Variants in LOC400499 observed in about 807,000 individuals in gnomAD.
chr16:11,480,761 C>T, the LOC400499 span, among the ~76,000 whole-genome samples: 8 of 152,176 alleles, frequency 5.3e-5, no homozygotes, highest in East Asian at 1.9e-4. Context: ...CTGTATGTAA[C>T]AGCCAGCAAC....
At chr16:11,387,628 G>A in the LOC400499 span, among the ~76,000 whole-genome samples, 1 of 95,680 alleles carries the variant, frequency 1.0e-5, no homozygotes, top group African/African-American at 3.0e-5. Context: ...GGAGCTGGAA[G>A]GTCTAGGAAA....
At chr16:11,377,669 G>A in the LOC400499 span, among the ~76,000 whole-genome samples, 1 of 152,190 alleles carries the variant, frequency 6.6e-6, no homozygotes, top group African/African-American at 2.4e-5. Context: ...TGATCATGGT[G>A]TGTAATCCTT....
the LOC400499 span, among the ~76,000 whole-genome samples, chr16:11,429,652 T>G: frequency 6.6e-6 from 1 of 152,088 alleles, no homozygotes. Context: ...TTTTGTGTTT[T>G]CAGTAGCGAC....
chr16:11,414,956 C>T, the LOC400499 span, among the ~76,000 whole-genome samples: 1 of 152,208 alleles, frequency 6.6e-6, no homozygotes, highest in South Asian at 2.1e-4. Context: ...TGCCTGGGGT[C>T]GGGATTTCCC....
the LOC400499 span, among the ~76,000 whole-genome samples, chr16:11,463,247 G>T: frequency 7.8e-6 from 1 of 128,190 alleles, no homozygotes; most frequent in East Asian, 2.0e-4. Flanking sequence ...CAACCTGTAG[G>T]CTCCCCACCC....
At chr16:11,456,918 A>G in the LOC400499 span, 2 of 1,536,280 alleles carry the variant, frequency 1.3e-6, no homozygotes, top group Non-Finnish European at 1.7e-6. Flanking sequence ...TGCCACAAAC[A>G]GCGGCCGCCC....
At chr16:11,405,012 A>C in the LOC400499 span, 3 of 396,418 alleles carry the variant, frequency 7.6e-6, no homozygotes, top group East Asian at 1.1e-4. Context: ...CAGGGGATCA[A>C]AAACCCAAAT....
At chr16:11,509,993 A>G in the LOC400499 span, among the ~76,000 whole-genome samples, 4 of 148,012 alleles carry the variant, frequency 2.7e-5, no homozygotes, top group Non-Finnish European at 6.0e-5. Context: ...CTTTTGTACC[A>G]TGTCACACAT....
the LOC400499 span, chr16:11,414,527 A>G: frequency 2.5e-6 from 1 of 399,738 alleles, no homozygotes; most frequent in Non-Finnish European, 4.4e-6. Context: ...AGAGAATGGC[A>G]TGGGCTACTG....
chr16:11,515,146 A>C, the LOC400499 span, among the ~76,000 whole-genome samples: 2 of 152,006 alleles, frequency 1.3e-5, no homozygotes, highest in Non-Finnish European at 2.9e-5. Flanking sequence ...TCTCTACTAA[A>C]ATTTTTTTTA....
chr16:11,473,412 C>T, the LOC400499 span, among the ~76,000 whole-genome samples: 77 of 151,616 alleles, frequency 5.1e-4, no homozygotes, highest in African/African-American at 1.8e-3. Context: ...TGTCTTTTTA[C>T]CCAGTTGAGA....
the LOC400499 span, chr16:11,469,567 A>G: frequency 2.5e-6 from 1 of 398,908 alleles, no homozygotes; most frequent in African/African-American, 2.1e-5. Flanking sequence ...GTTCTGGGGC[A>G]AGCTGTAGCT....
At chr16:11,439,514 C>A in the LOC400499 span, 1 of 399,074 alleles carries the variant, frequency 2.5e-6, no homozygotes, top group South Asian at 1.3e-4. Flanking sequence ...AAATGTTGGT[C>A]CGTGAGGATG....
the LOC400499 span, chr16:11,372,734 T>G: frequency 1.0e-6 from 1 of 984,014 alleles, no homozygotes; most frequent in South Asian, 4.7e-5. Flanking sequence ...AGACAAAATC[T>G]CAAACTGTAA....
the LOC400499 span, among the ~76,000 whole-genome samples, chr16:11,479,001 C>A: frequency 6.6e-6 from 1 of 152,182 alleles, no homozygotes; most frequent in Non-Finnish European, 1.5e-5. Flanking sequence ...TGAAGCCTCC[C>A]CAGTCAGTTG....
chr16:11,503,267 G>A, the LOC400499 span, among the ~76,000 whole-genome samples: 1 of 152,044 alleles, frequency 6.6e-6, no homozygotes, highest in Non-Finnish European at 1.5e-5. Flanking sequence ...TAACAGTGAT[G>A]GCTAATAAAG....
the LOC400499 span, chr16:11,446,679 G>A: frequency 6.5e-7 from 1 of 1,533,122 alleles, no homozygotes; most frequent in South Asian, 1.2e-5. Flanking sequence ...CATGCAGGGA[G>A]TGAGGAGGCA....
chr16:11,415,509 G>A, the LOC400499 span, among the ~76,000 whole-genome samples: 1 of 152,196 alleles, frequency 6.6e-6, no homozygotes, highest in Non-Finnish European at 1.5e-5. Context: ...ACACGGGAGA[G>A]GACCACTTGT....
the LOC400499 span, chr16:11,472,172 G>A: frequency 5.1e-6 from 1 of 194,622 alleles, no homozygotes; most frequent in Non-Finnish European, 1.0e-5. Context: ...TGCCCCAGCT[G>A]AGAACCCCTG....
Sources: allele counts gnomAD v4.1 joint callset (sites outside exome capture counted in the v4.1 genomes callset), GRCh38; gene constraint gnomAD v4.1.1; transcripts MANE v1.5.